AP3D1: variants seen among roughly 807,000 people sequenced by gnomAD.
AP3D1 encodes the protein adaptor related protein complex 3 subunit delta 1, also known as AP-3 complex subunit delta-1.
AP3D1 carries 51 observed loss-of-function variants against 147.6 expected under a neutral mutation model. That is an observed-to-expected ratio of 0.35 (90% CI 0.28 to 0.44). AP3D1 has a LOEUF of 0.44. AP3D1 is among the 20% of genes least tolerant of loss of function. AP3D1 has a pLI of 1.00. For missense variants in AP3D1, 1,421 were observed against 1,624.2 expected (o/e 0.87, Z 2.15); for synonymous variants, 760 against 663.0 (o/e 1.15, Z -2.25).
chr19:2,129,758 T>C (rs1307822459), intron 6 of AP3D1, among the ~76,000 whole-genome samples: 1 of 151,374 alleles, frequency 6.6e-6, no homozygotes, highest in Non-Finnish European at 1.5e-5. Flanking sequence ...TGAGTGGGGG[T>C]TTCAGCATGA....
chr19:2,110,534 C>A (rs1034702154), intron 27 of AP3D1, among the ~76,000 whole-genome samples, 173 bp downstream of exon 27: 1 of 151,996 alleles, frequency 6.6e-6, no homozygotes, highest in Non-Finnish European at 1.5e-5. Flanking sequence ...GAGGCCATTG[C>A]GCTTCTCAGA....
rs752197630 is a variant in AP3D1 at position 2,109,944 on chromosome 19, C to G, written c.3279G>C (p.Ala1093=). 1 of 1,613,448 alleles carries G rather than the reference C, an allele frequency of 6.2e-7. No individual in the cohort carries two copies. The highest frequency in any genetic ancestry group is 8.5e-7 in the Non-Finnish European group (1 of 1,179,948). ...LSFIAKNDEG[A]THEKLDFRLH... ...GCCTGAAGTCCAGCTTCTCGTGGGTCGCACCCTCGTCATTCTGCGGTGGAG... is the reference window on the plus strand; with the variant it reads ...GCCTGAAGTCCAGCTTCTCGTGGGTGGCACCCTCGTCATTCTGCGGTGGAG... Residue 1093 remains alanine, a synonymous_variant, in exon 29 of 32, where the codon GCG becomes GCC. Transcript: ENST00000643116.
chr19:2,111,598 A>G (rs2018278521), intron 25 of AP3D1, 81 bp downstream of exon 25: 5 of 1,483,738 alleles, frequency 3.4e-6, no homozygotes, highest in Admixed American at 4.1e-5. Context: ...TCTCTCCCGC[A>G]TGGAGGCTGC....
intron 1 of AP3D1, among the ~76,000 whole-genome samples, chr19:2,141,228 C>G (rs573841706): frequency 2.6e-5 from 4 of 152,100 alleles, no homozygotes; most frequent in Non-Finnish European, 5.9e-5. Flanking sequence ...TGAAATTTCT[C>G]AAACACCTCA....
rs547693125 is a variant in AP3D1, at chr19:2,107,506, C to T, written c.3552+1181G>A. Among the ~76,000 whole-genome samples the T allele has an allele frequency of 1.6e-4, 24 of 151,544 alleles. No homozygotes were observed. In the East Asian group the frequency reaches 3.5e-3, roughly 22 times the overall value. ...CTGTAATCCTAGCACTTTGGGAGGC[C>T]GAGGCGGGCAGATCATGAGGTCAGG... On this transcript the variant is annotated intron_variant, in intron 31 of 31. Coordinates refer to ENST00000643116, the MANE Select transcript of AP3D1 (RefSeq NM_001261826.3).
At chr19:2,102,888 C>T (rs1335818665) in intron 31 of AP3D1, among the ~76,000 whole-genome samples, 2 of 151,976 alleles carry the variant, frequency 1.3e-5, no homozygotes, top group African/African-American at 2.4e-5. Flanking sequence ...GTGGAGGTTG[C>T]ATGTGAGTTG....
chr19:2,103,983 A>C (rs900523862), intron 31 of AP3D1, among the ~76,000 whole-genome samples: 1 of 151,784 alleles, frequency 6.6e-6, no homozygotes, highest in Non-Finnish European at 1.5e-5. Flanking sequence ...ACACCAAGAC[A>C]CTAACACCCA....
intron 31 of AP3D1, among the ~76,000 whole-genome samples, chr19:2,107,592 T>C (rs2018146996): frequency 6.6e-6 from 1 of 151,576 alleles, no homozygotes; most frequent in Non-Finnish European, 1.5e-5. Context: ...TACAAAAAAT[T>C]AGCCGGGCGT....
intron 31 of AP3D1, among the ~76,000 whole-genome samples, chr19:2,102,764 T>TA (rs1398550248): frequency 7.3e-6 from 1 of 137,292 alleles, no homozygotes; most frequent in Non-Finnish European, 1.6e-5. Flanking sequence ...AATAAATAAA[T>TA]AAATAAATAA....
Position 2,164,293 on chromosome 19 carries a change from C to T in AP3D1, c.-103+63G>A, listed in dbSNP as rs137954898. 2.2e-4 allele frequency: 277 copies of T among 1,240,422 alleles called. 1 individual carries two copies. The African/African-American group carries it at 3.8e-3, about 17-fold the overall frequency. The allele number at this position is 1,240,422 out of a possible 1,614,324, so 76.8% of individuals were successfully genotyped here. A position where few individuals can be genotyped will look rare whatever the true frequency, so the allele number is the denominator to read the frequency against. ...GAGTGCCGCCCTCCACCGTCCCTAC[C>T]TCCCGGCCTCCCCTCCTCCGCCGCC... On this transcript the variant is annotated intron_variant, in intron 1 of 14. Coordinates refer to the AP3D1 transcript ENST00000643010.
intron 8 of AP3D1, among the ~76,000 whole-genome samples, chr19:2,128,413 G>A (rs986468924): frequency 2.6e-5 from 4 of 151,862 alleles, no homozygotes; most frequent in African/African-American, 7.3e-5. Flanking sequence ...CCGCTGTACC[G>A]CACTGGGGCC....
intron 4 of AP3D1, among the ~76,000 whole-genome samples, chr19:2,134,434 T>A (rs1599480729): frequency 2.7e-5 from 4 of 148,450 alleles, no homozygotes; most frequent in Admixed American, 6.7e-5. Context: ...AAAAAAAAAG[T>A]AAGAAAATAA....
intron 4 of AP3D1, among the ~76,000 whole-genome samples, chr19:2,136,146 C>A (rs2019072051): frequency 2.0e-5 from 3 of 152,368 alleles, no homozygotes; most frequent in Admixed American, 1.3e-4. Context: ...GCGCATGTCG[C>A]CCGCGGCCCA....
At position 2,109,853 on chromosome 19, in the gene AP3D1, G is replaced by A. The variant is rs1157892218; in HGVS notation, c.3350+20C>T. On this transcript the variant is annotated intron_variant, in intron 29 of 31. Transcript: ENST00000643116. ...GGCGGAGGGGGTTCGGGGACATAGG[G>A]GAGTGGGCCTGGGCCCCACCTGTAG... 6.2e-7 allele frequency: 1 copy of A among 1,610,210 alleles called. No individual in the cohort carries two copies. The highest frequency in any genetic ancestry group is 2.2e-5 in the East Asian group (1 of 44,878).
At chr19:2,128,333 GC>G (rs1270690311) in intron 8 of AP3D1, among the ~76,000 whole-genome samples, 5 of 149,836 alleles carry the variant, frequency 3.3e-5, no homozygotes, top group African/African-American at 1.3e-4. Context: ...GAGTCTAGTG[GC>G]CGGGAATGCC....
At chr19:2,130,321 C>G in intron 6 of AP3D1, 87 bp downstream of exon 6, 3 of 1,575,718 alleles carry the variant, frequency 1.9e-6, no homozygotes, top group Non-Finnish European at 2.6e-6. Flanking sequence ...CTCCCCGCAG[C>G]ACCCCCCAAA....
chr19:2,129,222 CAG>C (rs1491098775), intron 7 of AP3D1, 59 bp from the exon 8 acceptor site: 12 of 1,607,630 alleles, frequency 7.5e-6, no homozygotes, highest in Middle Eastern at 1.7e-4. Flanking sequence ...GGGTGAGGGA[CAG>C]GGGGGGCCTC....
chr19:2,109,115 G>A lies in AP3D1; in HGVS notation c.3443C>T (p.Ala1148Val), dbSNP rs756651834. ...GIRMSFQNLL[A>V]KICFHHHFSV... ...AAAATGGTGGTGAAAACAGATCTTCGCCAGAAGATTCTGGAAGGACATCCG... is the reference window on the plus strand; with the variant it reads ...AAAATGGTGGTGAAAACAGATCTTCACCAGAAGATTCTGGAAGGACATCCG... Residue 1148 changes from alanine (A) to valine (V), a missense_variant, in exon 30 of 32, where the codon GCG becomes GTG. By Grantham distance (64) the Ala-to-Val change is moderately conservative. Around this residue, in one of 6 missense-constraint regions of AP3D1, gnomAD observed 791 missense variants for 761.4 expected, o/e 1.04. Coordinates refer to ENST00000643116, the MANE Select transcript of AP3D1 (RefSeq NM_001261826.3). 3.1e-6 allele frequency: 5 copies of A among 1,609,270 alleles called. No individual in the cohort carries two copies. Among genetic ancestry groups the A allele is most frequent in the Middle Eastern group, 1.7e-4 (1 of 6,060 alleles).
intron 1 of AP3D1, among the ~76,000 whole-genome samples, chr19:2,156,847 C>G (rs1302916710): frequency 6.6e-6 from 1 of 151,370 alleles, no homozygotes; most frequent in Non-Finnish European, 1.5e-5. Context: ...GACTCTGTCT[C>G]AAAAAACTAA....
Sources: allele counts gnomAD v4.1 joint callset (sites outside exome capture counted in the v4.1 genomes callset), GRCh38; gene constraint gnomAD v4.1.1; regional missense constraint gnomAD v4.1.1; transcripts MANE v1.5; gene names NCBI Gene and HGNC (gene_info 2026-07-23, HGNC 2026-07-21).